Variants in ARHGAP10 observed in about 807,000 individuals in gnomAD.
ARHGAP10 encodes Rho GTPase activating protein 10, also known as rho GTPase-activating protein 10.
A neutral mutation model predicts 108.6 loss-of-function variants in ARHGAP10; 87 were observed. The ratio of observed to expected loss-of-function variants is 0.80; its 90% confidence interval spans 0.67 to 0.96. The LOEUF is 0.96. Ranked by LOEUF, ARHGAP10 falls within the 40% of genes least tolerant of loss-of-function variation. The pLI is 0.00. For synonymous variants in ARHGAP10, 347 were observed against 341.1 expected (o/e 1.02, Z -0.19); for missense variants, 939 against 954.5 (o/e 0.98, Z 0.21).
Position 148,072,261 on chromosome 4 carries a change from C to G in ARHGAP10, c.*180C>G, listed in dbSNP as rs1398552512. ...GTGGGCAGGGATGGGACGCACCACA[C>G]AGAACTGTGATTGTGGATCAGGAGG... is the stretch of plus-strand genomic sequence containing the variant. On this transcript the variant is annotated 3_prime_UTR_variant, in exon 23 of 23. Coordinates refer to ENST00000336498, the MANE Select transcript of ARHGAP10 (RefSeq NM_024605.4). 1 of 526,840 alleles carries G rather than the reference C, an allele frequency of 1.9e-6. No individual in the cohort carries two copies. The highest frequency in any genetic ancestry group is 3.2e-5 in the East Asian group (1 of 31,196). The allele number at this position is 526,840 out of a possible 1,614,324, so 32.6% of individuals were successfully genotyped here. A position where few individuals can be genotyped will look rare whatever the true frequency, so the allele number is the denominator to read the frequency against.
At chr4:147,889,940 T>C (rs1342111825) in intron 10 of ARHGAP10, among the ~76,000 whole-genome samples, 1 of 152,194 alleles carries the variant, frequency 6.6e-6, no homozygotes, top group Non-Finnish European at 1.5e-5. Flanking sequence ...AGCCCAGAGG[T>C]TGCCAGATCA....
intron 19 of ARHGAP10, among the ~76,000 whole-genome samples, chr4:148,023,643 G>A (rs548715732): frequency 6.6e-6 from 1 of 152,162 alleles, no homozygotes; most frequent in South Asian, 2.1e-4. Context: ...ATTTTTAAAA[G>A]ACAGCTTAAA....
intron 10 of ARHGAP10, among the ~76,000 whole-genome samples, chr4:147,901,325 C>T (rs993756713): frequency 2.0e-5 from 3 of 152,166 alleles, no homozygotes; most frequent in African/African-American, 7.2e-5. Flanking sequence ...AGGGTGGGAA[C>T]CCAGCCTTAT....
chr4:147,962,599 C>A (rs1560847592), intron 16 of ARHGAP10, among the ~76,000 whole-genome samples: 1 of 152,070 alleles, frequency 6.6e-6, no homozygotes, highest in Non-Finnish European at 1.5e-5. Context: ...TTAGGATGTC[C>A]CCCCATCATA....
intron 18 of ARHGAP10, among the ~76,000 whole-genome samples, chr4:148,017,350 T>C (rs1323349855): frequency 1.3e-5 from 2 of 152,160 alleles, no homozygotes; most frequent in Non-Finnish European, 2.9e-5. Context: ...TGATTAAATT[T>C]AAGTCAAAGC....
intron 13 of ARHGAP10, among the ~76,000 whole-genome samples, chr4:147,922,399 A>T (rs1737276515): frequency 6.6e-6 from 1 of 152,062 alleles, no homozygotes; most frequent in Non-Finnish European, 1.5e-5. Flanking sequence ...TTAAAAAAAA[A>T]AAAAAGTTGG....
chr4:147,968,963 T>C (rs1014138357), intron 18 of ARHGAP10, among the ~76,000 whole-genome samples: 1 of 152,226 alleles, frequency 6.6e-6, no homozygotes, highest in Non-Finnish European at 1.5e-5. Flanking sequence ...ACATAACTTA[T>C]TTTCTTGTCT....
At chr4:147,764,673 T>C (rs1486843604) in intron 1 of ARHGAP10, among the ~76,000 whole-genome samples, 1 of 152,106 alleles carries the variant, frequency 6.6e-6, no homozygotes, top group Non-Finnish European at 1.5e-5. Flanking sequence ...AGCTGGGGTT[T>C]ATAGGCGTGC....
chr4:147,797,988 C>A (rs1052395093), intron 1 of ARHGAP10, among the ~76,000 whole-genome samples: 9 of 152,156 alleles, frequency 5.9e-5, no homozygotes, highest in Admixed American at 3.9e-4. Context: ...TTTTCCTCTG[C>A]ATTTCTGATT....
At chr4:147,804,140 C>T (rs1381256754) in intron 1 of ARHGAP10, among the ~76,000 whole-genome samples, 1 of 151,838 alleles carries the variant, frequency 6.6e-6, no homozygotes, top group Non-Finnish European at 1.5e-5. Flanking sequence ...TGTTTTTGAT[C>T]CTCACCCTCC....
intron 1 of ARHGAP10, among the ~76,000 whole-genome samples, chr4:147,739,966 C>T (rs1728592934): frequency 6.6e-6 from 1 of 151,700 alleles, no homozygotes; most frequent in South Asian, 2.1e-4. Flanking sequence ...GAACTCCTGA[C>T]ATCAGGTGAT....
Position 147,767,900 on chromosome 4 carries a change from A to G in ARHGAP10, c.154+35445A>G, listed in dbSNP as rs141868079. 1.6e-3 allele frequency among the ~76,000 whole-genome samples: 238 copies of G among 152,368 alleles called. 1 individual carries two copies. Among genetic ancestry groups the G allele is most frequent in the African/African-American group, 5.6e-3 (231 of 41,594 alleles). ...TCTTAAATAACAGGACAGACACATT[A>G]GAGCCCTTTAGAAAGGGAGCAAAGA... On this transcript the variant is annotated intron_variant, in intron 1 of 22. Transcript: ENST00000336498.
chr4:147,879,338 TGTAA>T lies in ARHGAP10; in HGVS notation c.939+4_939+7del. On this transcript the variant is annotated splice_donor_variant and splice_donor_region_variant and intron_variant, in intron 9 of 22. Coordinates refer to ENST00000336498, the MANE Select transcript of ARHGAP10 (RefSeq NM_024605.4). LOFTEE classifies it high-confidence loss of function. ...TTGAGCACAGATCTGGAGGGAAACT[TGTAA>T]GTATTTGATTCAACATAGAATAGAT... 1.2e-6 allele frequency: 2 copies of T among 1,611,748 alleles called. No homozygotes were observed. Among genetic ancestry groups the T allele is most frequent in the Non-Finnish European group, 1.7e-6 (2 of 1,178,336 alleles).
intron 18 of ARHGAP10, among the ~76,000 whole-genome samples, chr4:147,976,464 G>C (rs938573693): frequency 1.3e-5 from 2 of 151,818 alleles, no homozygotes; most frequent in Admixed American, 1.3e-4. Flanking sequence ...CAAATTTTCA[G>C]ACTCCCCCCC....
intron 1 of ARHGAP10, among the ~76,000 whole-genome samples, chr4:147,763,913 C>T (rs1729690777): frequency 6.6e-6 from 1 of 152,054 alleles, no homozygotes; most frequent in South Asian, 2.1e-4. Context: ...CGCCGCCATG[C>T]CTGGCTAATT....
At chr4:148,071,024 G>A (rs540532341) in intron 22 of ARHGAP10, among the ~76,000 whole-genome samples, 1 of 152,336 alleles carries the variant, frequency 6.6e-6, no homozygotes, top group South Asian at 2.1e-4. Context: ...ATGCCCAGAT[G>A]TATAAGGCTC....
At chr4:147,866,667 C>T (rs1336491206) in intron 6 of ARHGAP10, 45 bp from the exon 7 acceptor site, 7 of 1,415,800 alleles carry the variant, frequency 4.9e-6, no homozygotes, top group Middle Eastern at 1.8e-4. Flanking sequence ...CTTTTTTTCT[C>T]CTGAGTTTTT....
intron 6 of ARHGAP10, 171 bp downstream of exon 6, chr4:147,865,127 T>C (rs1469050257): frequency 1.7e-6 from 1 of 591,062 alleles, no homozygotes; most frequent in African/African-American, 1.9e-5. Flanking sequence ...GAATTGCCTC[T>C]AAATCAGTGG....
At chr4:147,816,538 A>T (rs538231786) in intron 1 of ARHGAP10, among the ~76,000 whole-genome samples, 1 of 152,290 alleles carries the variant, frequency 6.6e-6, no homozygotes, top group East Asian at 1.9e-4. Flanking sequence ...AGGGCCAGGA[A>T]TGCTTTACCA....
Sources: gnomAD v4.1 joint callset for allele counts (sites outside exome capture counted in the v4.1 genomes callset) on GRCh38, gnomAD v4.1.1 for gene constraint, MANE v1.5 for transcripts, NCBI Gene and HGNC (gene_info 2026-07-23, HGNC 2026-07-21) for gene names.